The following TENM2 variants were observed in gnomAD, a reference collection of about 807,000 sequenced individuals.
The protein encoded by TENM2 is teneurin transmembrane protein 2.
A neutral mutation model predicts 245.2 loss-of-function variants in TENM2; 52 were observed. That is an observed-to-expected ratio of 0.21 (90% CI 0.17 to 0.27). TENM2 has a LOEUF of 0.27. Among genes scored for constraint, TENM2 ranks in the 10% least tolerant of loss-of-function variants. TENM2 has a pLI of 1.00. For synonymous variants in TENM2, 1,363 were observed against 1,438.9 expected, an observed-to-expected ratio of 0.95 and a Z score of 1.19; for missense variants, 3,046 against 3,666.8, an observed-to-expected ratio of 0.83 and a Z score of 4.37.
At chr5:167,777,457 A>G (rs1382249385) in intron 2 of TENM2, among the ~76,000 whole-genome samples, 1 of 152,226 alleles carries the variant, frequency 6.6e-6, no homozygotes, top group Admixed American at 6.5e-5. Flanking sequence ...GCACTGTGCT[A>G]TTTGATCCAA....
chr5:166,994,090 G>A, the TENM2 span, among the ~76,000 whole-genome samples: 1 of 152,104 alleles, frequency 6.6e-6, no homozygotes, highest in African/African-American at 2.4e-5. Flanking sequence ...CTACACAGCT[G>A]TGTTACATTC....
chr5:167,683,260 TC>T (rs113505215), intron 2 of TENM2, among the ~76,000 whole-genome samples: 1 of 147,834 alleles, frequency 6.8e-6, no homozygotes, highest in Non-Finnish European at 1.5e-5. Context: ...TTTTTTTTTT[TC>T]CCCCCCTGGG....
At chr5:167,398,149 A>G (rs966494141) in intron 2 of TENM2, among the ~76,000 whole-genome samples, 2 of 152,116 alleles carry the variant, frequency 1.3e-5, no homozygotes, top group African/African-American at 4.8e-5. Flanking sequence ...GGGTGTCAAT[A>G]TCATAATTTT....
At chr5:167,691,742 G>C (rs1414883345) in intron 2 of TENM2, among the ~76,000 whole-genome samples, 2 of 152,112 alleles carry the variant, frequency 1.3e-5, no homozygotes, top group African/African-American at 4.8e-5. Context: ...GCTCCTGGTG[G>C]TTAGGAGAAC....
At chr5:167,390,974 C>T (rs1039379833) in intron 2 of TENM2, among the ~76,000 whole-genome samples, 1 of 152,138 alleles carries the variant, frequency 6.6e-6, no homozygotes, top group African/African-American at 2.4e-5. Flanking sequence ...TCCAGCTCAA[C>T]TGAGCTACTT....
chr5:167,957,785 T>C (rs1177890876), intron 4 of TENM2, among the ~76,000 whole-genome samples: 1 of 152,244 alleles, frequency 6.6e-6, no homozygotes, highest in Non-Finnish European at 1.5e-5. Context: ...TGTGCAGATT[T>C]GAGTGAGTTT....
the TENM2 span, among the ~76,000 whole-genome samples, chr5:167,016,202 C>G: frequency 6.7e-6 from 1 of 148,712 alleles, no homozygotes; most frequent in African/African-American, 2.5e-5. Context: ...TGCAGTGAGC[C>G]GAGATGGGGC....
chr5:167,422,779 G>A (rs1330557929), intron 2 of TENM2, among the ~76,000 whole-genome samples: 1 of 152,130 alleles, frequency 6.6e-6, no homozygotes, highest in African/African-American at 2.4e-5. Context: ...TGCCAGAGCT[G>A]CAAGGAGCAT....
chr5:167,240,064 A>T, the TENM2 span, among the ~76,000 whole-genome samples: 1 of 152,186 alleles, frequency 6.6e-6, no homozygotes, highest in Non-Finnish European at 1.5e-5. Flanking sequence ...GTGAGCCATT[A>T]TGCCCAGCCT....
At chr5:167,657,748 T>C (rs1460362117) in intron 2 of TENM2, among the ~76,000 whole-genome samples, 2 of 152,200 alleles carry the variant, frequency 1.3e-5, no homozygotes, top group Non-Finnish European at 2.9e-5. Flanking sequence ...ATACTTTGGG[T>C]GAAAGTAGAC....
At chr5:167,756,621 G>A (rs1194151242) in intron 2 of TENM2, among the ~76,000 whole-genome samples, 1 of 152,112 alleles carries the variant, frequency 6.6e-6, no homozygotes, top group Middle Eastern at 3.2e-3. Context: ...TAGGAACAAG[G>A]ACATGTATCC....
chr5:167,746,712 A>AGAGAGAGAGAGAGCGC (rs751185236), intron 2 of TENM2, among the ~76,000 whole-genome samples: 8 of 149,806 alleles, frequency 5.3e-5, no homozygotes, highest in African/African-American at 2.0e-4. Flanking sequence ...AGAGAGAGAG[A>AGAGAGAGAGAGAGCGC]GAGCTGGACT....
intron 2 of TENM2, among the ~76,000 whole-genome samples, chr5:167,613,187 T>G (rs1366531621): frequency 6.6e-6 from 1 of 152,180 alleles, no homozygotes; most frequent in Non-Finnish European, 1.5e-5. Context: ...GCTCCACCAC[T>G]TACTCTGTAA....
the TENM2 span, among the ~76,000 whole-genome samples, chr5:167,113,642 C>CA: frequency 0.034 from 3,316 of 96,296 alleles, 42 homozygotes; most frequent in Middle Eastern, 0.085. Context: ...GATCCTGTCT[C>CA]AAAAAAAAAA....
the TENM2 span, among the ~76,000 whole-genome samples, chr5:167,143,676 G>A: frequency 9.9e-5 from 15 of 152,182 alleles, no homozygotes; most frequent in Non-Finnish European, 2.1e-4. Flanking sequence ...TTTGCAAATA[G>A]TTTTTAGAAC....
At chr5:168,195,003 C>A (rs1256397425) in intron 14 of TENM2, among the ~76,000 whole-genome samples, 173 bp from the exon 17 acceptor site, 1 of 152,104 alleles carries the variant, frequency 6.6e-6, no homozygotes, top group African/African-American at 2.4e-5. Context: ...GAGATGCTGC[C>A]CATGGATTTC....
chr5:168,188,193 G>A (rs1184349150), intron 13 of TENM2, among the ~76,000 whole-genome samples: 4 of 152,170 alleles, frequency 2.6e-5, no homozygotes, highest in African/African-American at 7.2e-5. Context: ...AACGAAAAGG[G>A]TAATGCCAAA....
At chr5:167,261,662 A>C in the TENM2 span, among the ~76,000 whole-genome samples, 6 of 152,182 alleles carry the variant, frequency 3.9e-5, no homozygotes, top group Non-Finnish European at 7.3e-5. Context: ...ACAAATAATG[A>C]ATTGAAATAT....
intron 1 of TENM2, among the ~76,000 whole-genome samples, chr5:167,347,562 A>G (rs999002982): frequency 7.9e-5 from 12 of 152,226 alleles, no homozygotes; most frequent in African/African-American, 2.4e-4. Flanking sequence ...CTAGGGTTGC[A>G]GTGGTGAGAG....
Sources: gnomAD v4.1 joint callset for allele counts (sites outside exome capture counted in the v4.1 genomes callset) on GRCh38, gnomAD v4.1.1 for gene constraint, MANE v1.5 for transcripts, NCBI Gene and HGNC (gene_info 2026-07-23, HGNC 2026-07-21) for gene names.